ACAP1: variants seen among roughly 807,000 people sequenced by gnomAD.
ACAP1 encodes the protein ArfGAP with coiled-coil, ankyrin repeat and PH domains 1.
In ACAP1, 45 loss-of-function variants were observed where a neutral mutation model predicts 98.8. The ratio of observed to expected loss-of-function variants is 0.46; its 90% CI spans 0.36 to 0.58. The LOEUF (loss-of-function observed/expected upper bound fraction) is 0.58, where lower values mean the gene tolerates loss of function less well. Among genes scored for constraint, ACAP1 ranks in the 20% least tolerant of loss-of-function variants. The pLI is 0.00. For missense variants in ACAP1, 735 were observed against 971.4 expected (o/e 0.76, Z 3.24); for synonymous variants, 362 against 375.3 (o/e 0.96, Z 0.41).
chr17:7,342,007 C>T lies in ACAP1; in HGVS notation c.171C>T (p.Arg57=), dbSNP rs536129474. ...ESGRHYLAAS[R]AFVVGICDLA... ...GGCGCCATTACCTTGCTGCCAGCCG[C>T]GCCTTCGTTGTCGGCATTTGTGACC... Residue 57 remains arginine, a synonymous_variant, in exon 3 of 22, where the codon CGC becomes CGT. Coordinates refer to ENST00000158762, the MANE Select transcript of ACAP1 (RefSeq NM_014716.4). 4.7e-5 allele frequency: 76 copies of T among 1,614,194 alleles called. No homozygotes were observed. Among genetic ancestry groups the T allele is most frequent in the Admixed American group, 1.7e-4 (10 of 60,028 alleles).
intron 14 of ACAP1, 73 bp downstream of exon 14, chr17:7,347,315 C>T (rs1364774221): frequency 3.5e-5 from 47 of 1,358,656 alleles, no homozygotes; most frequent in Non-Finnish European, 4.2e-5. Flanking sequence ...GAGCGCATCA[C>T]ACCGGCCCCT....
At chr17:7,349,755 A>G in intron 18 of ACAP1, 190 bp from the exon 19 acceptor site, 1 of 527,966 alleles carries the variant, frequency 1.9e-6, no homozygotes, top group East Asian at 2.9e-5. Context: ...TGTACTATGG[A>G]TTTATATATG....
Position 7,346,139 on chromosome 17 carries a change from G to C in ACAP1, c.855-105G>C, listed in dbSNP as rs1325855024. ...AATGTCTCGTGGAACAGTCAGCCCA[G>C]GTGTCTGTCCTCTCAGTAAGATCCT... On this transcript the variant is annotated intron_variant, in intron 10 of 21. Transcript: ENST00000158762. 5.8e-6 allele frequency: 6 copies of C among 1,026,852 alleles called. No individual in the cohort carries two copies. In the East Asian group the frequency reaches 1.4e-4, roughly 24 times the overall value. The allele number at this position is 1,026,852 out of a possible 1,614,324, so 63.6% of individuals were successfully genotyped here. A position where few individuals can be genotyped will look rare whatever the true frequency, so the allele number is the denominator to read the frequency against.
rs2073398883 is a variant in ACAP1, at chr17:7,350,730, T to TC, written c.2073-216dup. 1 of 496,112 alleles carries TC rather than the reference T, an allele frequency of 2.0e-6. No individual in the cohort carries two copies. Among genetic ancestry groups the TC allele is most frequent in the African/African-American group, 2.0e-5 (1 of 50,798 alleles). The allele number at this position is 496,112 out of a possible 1,614,324, so 30.7% of individuals were successfully genotyped here. ...TTCAAGCGATTCTCCTGTCTCAGCC[T>TC]CCCCTGAGTAGCTGGGACTACAGGC... On this transcript the variant is annotated intron_variant, in intron 20 of 21. Transcript: ENST00000158762. This position sits in a 1 kb window ranked among gnomAD's most constrained non-coding sequence, Gnocchi z 4.6.
chr17:7,345,367 AGC>A (rs2073336321), intron 10 of ACAP1: 3 of 149,896 alleles, frequency 2.0e-5, no homozygotes. Context: ...TCTGTTGCCC[AGC>A]CTGCAGTGCA....
Position 7,350,290 on chromosome 17 carries a change from C to T in ACAP1, c.2072+53C>T. On this transcript the variant is annotated intron_variant, in intron 20 of 21. Coordinates refer to ENST00000158762, the MANE Select transcript of ACAP1 (RefSeq NM_014716.4). The surrounding 1 kb of genome is among the most constrained non-coding windows in gnomAD (Gnocchi z 4.6). ...GCGCTGGGACTCCCCCCACCCCCGCCCACCCACGTTCGGGCGGGCGGGCGG... is the reference window on the plus strand; with the variant it reads ...GCGCTGGGACTCCCCCCACCCCCGCTCACCCACGTTCGGGCGGGCGGGCGG... 6.7e-7 allele frequency: 1 copy of T among 1,499,966 alleles called. No homozygotes were observed. Among genetic ancestry groups the T allele is most frequent in the Non-Finnish European group, 9.2e-7 (1 of 1,087,036 alleles). The allele number at this position is 1,499,966 out of a possible 1,614,324, so 92.9% of individuals were successfully genotyped here.
chr17:7,346,989 C>T lies in ACAP1; in HGVS notation c.1132-42C>T, dbSNP rs754772404. Reference sequence around the variant, plus strand: ...CCTGTGGAGATGGGGCACCCTTTACCCTAGGCCCCTTGGCCACCCTTTCTT... The same window carrying T: ...CCTGTGGAGATGGGGCACCCTTTACTCTAGGCCCCTTGGCCACCCTTTCTT... On this transcript the variant is annotated intron_variant, in intron 13 of 21. Coordinates refer to ENST00000158762, the MANE Select transcript of ACAP1 (RefSeq NM_014716.4). 42 of 1,578,278 alleles carry T rather than the reference C, an allele frequency of 2.7e-5. 2 individuals are homozygous for T. The South Asian group carries it at 4.8e-4, about 18-fold the overall frequency.
rs565823708 is a variant in ACAP1, at chr17:7,346,192, C to T, written c.855-52C>T. The T allele has an allele frequency of 1.4e-4, 213 of 1,564,640 alleles. 1 individual carries two copies. The East Asian group carries it at 4.5e-3, about 33-fold the overall frequency. ...TGGGCAAAAAGCACAGCCTCTCTTCCGTCCCTCATCCTAAAGCTGCCTATG... is the reference window on the plus strand; with the variant it reads ...TGGGCAAAAAGCACAGCCTCTCTTCTGTCCCTCATCCTAAAGCTGCCTATG... On this transcript the variant is annotated intron_variant, in intron 10 of 21. Coordinates refer to ENST00000158762, the MANE Select transcript of ACAP1 (RefSeq NM_014716.4).
At position 7,351,455 on chromosome 17, in the gene ACAP1, A is replaced by G; in HGVS notation, c.*60A>G. 7.8e-7 allele frequency: 1 copy of G among 1,288,982 alleles called. No homozygotes were observed. The highest frequency in any genetic ancestry group is 1.1e-6 in the Non-Finnish European group (1 of 909,474). The allele number at this position is 1,288,982 out of a possible 1,614,324, so 79.8% of individuals were successfully genotyped here. On this transcript the variant is annotated 3_prime_UTR_variant, in exon 22 of 22. Transcript: ENST00000158762. ...CCCCGCCACCGGGCCCTCTGCCATT[A>G]AAGCCTCCGTGCTTCGCTCTTCCCT...
At chr17:7,339,604 G>A (rs2073256208) in intron 2 of ACAP1, among the ~76,000 whole-genome samples, 1 of 152,168 alleles carries the variant, frequency 6.6e-6, no homozygotes, top group Non-Finnish European at 1.5e-5. Flanking sequence ...GCAATGAGCC[G>A]AGATCGTGCC....
intron 10 of ACAP1, 189 bp from the exon 11 acceptor site, chr17:7,346,055 A>G: frequency 1.6e-6 from 1 of 631,908 alleles, no homozygotes; most frequent in Non-Finnish European, 2.8e-6. Context: ...TGGGTTGTCC[A>G]AGATAGGAAT....
chr17:7,344,532 C>T lies in ACAP1; in HGVS notation c.745-7C>T. On this transcript the variant is annotated splice_region_variant and splice_polypyrimidine_tract_variant and intron_variant, in intron 9 of 21. Coordinates refer to ENST00000158762, the MANE Select transcript of ACAP1 (RefSeq NM_014716.4). This position sits in a 1 kb window ranked among gnomAD's most constrained non-coding sequence, Gnocchi z 4.9. ...TCAGTTGCCCTTTGATCCTCTTGTG[C>T]CTCCAGGAGCTGGGTGGGGAGGAGC... is the stretch of plus-strand genomic sequence containing the variant. 6.5e-7 allele frequency: 1 copy of T among 1,548,812 alleles called. No individual in the cohort carries two copies. The highest frequency in any genetic ancestry group is 8.7e-7 in the Non-Finnish European group (1 of 1,145,170).
chr17:7,348,240 C>T lies in ACAP1; in HGVS notation c.1508+19C>T, dbSNP rs1191226610. 2 of 1,612,260 alleles carry T rather than the reference C, an allele frequency of 1.2e-6. No individual in the cohort carries two copies. Among genetic ancestry groups the T allele is most frequent in the Admixed American group, 3.3e-5 (2 of 59,750 alleles). On this transcript the variant is annotated intron_variant, in intron 16 of 21. Coordinates refer to ENST00000158762, the MANE Select transcript of ACAP1 (RefSeq NM_014716.4). ...GCTCCCGGTGAGCTTGGGGTTTAGC[C>T]TCCCAGGGGAATGGGGGACCCCTGG...
At chr17:7,346,971 A>G in intron 13 of ACAP1, 40 bp downstream of exon 13, 1 of 1,591,046 alleles carries the variant, frequency 6.3e-7, no homozygotes, top group Non-Finnish European at 8.6e-7. Context: ...CTGCCTGTGG[A>G]GATGGGGCAC....
rs1266857486 is a variant in ACAP1, at chr17:7,351,017, C to T, written c.2122+18C>T. 3.1e-6 allele frequency: 5 copies of T among 1,613,260 alleles called. No individual in the cohort carries two copies. The highest frequency in any genetic ancestry group is 4.2e-6 in the Non-Finnish European group (5 of 1,179,344). On this transcript the variant is annotated intron_variant, in intron 21 of 21. Transcript: ENST00000158762. ...GCAGGCAGGTAAAGAATACACCCAC[C>T]CCACCCCCCAGGCCCAACACCTGAA...
At position 7,350,047 on chromosome 17, in the gene ACAP1, C is replaced by T. The variant is rs765345757; in HGVS notation, c.1954C>T (p.His652Tyr). The T allele has an allele frequency of 1.2e-6, 2 of 1,613,272 alleles. No homozygotes were observed. The highest frequency in any genetic ancestry group is 8.5e-7 in the Non-Finnish European group (1 of 1,179,356). ...GCTGCACCACGCAACCATTCTTGGC[C>T]ACACGGGGTAGGGATGATGGCATGG... is the stretch of plus-strand genomic sequence containing the variant. ...GPLHHATILG[H>Y]TGLACLFLKR... Residue 652 changes from histidine (H) to tyrosine (Y), a missense_variant, in exon 19 of 22, where the codon CAC (histidine) becomes TAC (tyrosine). Around this residue, in one of 5 missense-constraint regions of ACAP1, gnomAD observed 142 missense variants for 224.1 expected, o/e 0.63. Coordinates refer to ENST00000158762, the MANE Select transcript of ACAP1 (RefSeq NM_014716.4). The surrounding 1 kb of genome is among the most constrained non-coding windows in gnomAD (Gnocchi z 4.6).
At chr17:7,341,868 G>A in intron 2 of ACAP1, 80 bp from the exon 3 acceptor site, 1 of 1,587,430 alleles carries the variant, frequency 6.3e-7, no homozygotes, top group Non-Finnish European at 8.6e-7. Flanking sequence ...GGCAAGGGGA[G>A]AGGAAGTGGG....
chr17:7,346,025 C>T (rs985935511), intron 10 of ACAP1: 46 of 559,106 alleles, frequency 8.2e-5, no homozygotes, highest in African/African-American at 6.4e-4. Context: ...GGAAAGTTGT[C>T]TTCATAACTA....
Position 7,347,976 on chromosome 17 carries a change from G to C in ACAP1, c.1398G>C (p.Glu466Asp), listed in dbSNP as rs887214875. ...KVRSLTLDSW[E>D]PELVKLMCEL... ...GGTCTCTGACCCTTGACTCATGGGAGCCAGAACTAGTGAAGGTAACTTAGC... is the reference window on the plus strand; with the variant it reads ...GGTCTCTGACCCTTGACTCATGGGACCCAGAACTAGTGAAGGTAACTTAGC... The change falls in exon 15 of 22, where the codon GAG (glutamate) becomes GAC (aspartate). Residue 466 changes from glutamate to aspartate, a missense_variant. Physicochemically the swap from Glu to Asp is conservative, Grantham distance 45. Around this residue, in one of 5 missense-constraint regions of ACAP1, gnomAD observed 81 missense variants for 132.0 expected, o/e 0.61. Coordinates refer to ENST00000158762, the MANE Select transcript of ACAP1 (RefSeq NM_014716.4). The C allele has an allele frequency of 6.2e-7, 1 of 1,614,092 alleles. No homozygotes were observed. The highest frequency in any genetic ancestry group is 1.3e-5 in the African/African-American group (1 of 74,924).
Sources: allele counts gnomAD v4.1 joint callset (sites outside exome capture counted in the v4.1 genomes callset), GRCh38; gene constraint gnomAD v4.1.1; regional missense constraint gnomAD v4.1.1; non-coding constraint Gnocchi (gnomAD v3.1); transcripts MANE v1.5; gene names NCBI Gene and HGNC (gene_info 2026-07-23, HGNC 2026-07-21).